The following PDZRN4 variants were observed in gnomAD, a reference collection of about 807,000 sequenced individuals.
PDZRN4 encodes PDZ domain-containing RING finger protein 4.
In PDZRN4, 70 loss-of-function variants were observed where a neutral mutation model predicts 99.0. That is an observed-to-expected ratio of 0.71 (90% confidence interval 0.58 to 0.86). PDZRN4 has a LOEUF of 0.86. Among genes scored for constraint, PDZRN4 ranks in the 40% least tolerant of loss-of-function variants. PDZRN4 has a pLI of 0.00. For synonymous variants in PDZRN4, 551 were observed against 501.6 expected (o/e 1.10, Z -1.32); for missense variants, 1,474 against 1,331.2 (o/e 1.11, Z -1.67).
intron 3 of PDZRN4, among the ~76,000 whole-genome samples, chr12:41,237,850 G>A (rs550716411): frequency 3.4e-4 from 52 of 152,134 alleles, no homozygotes; most frequent in African/African-American, 3.4e-4. Context: ...TAGCAGTACC[G>A]TGCTATTTTG....
chr12:41,346,141 T>G (rs1192091146), intron 3 of PDZRN4, among the ~76,000 whole-genome samples: 3 of 152,164 alleles, frequency 2.0e-5, no homozygotes, highest in Non-Finnish European at 4.4e-5. Flanking sequence ...GCGCATCCCC[T>G]GAAAAGGTGC....
chr12:41,194,239 A>G (rs1950757086), intron 3 of PDZRN4, 51 bp downstream of exon 3: 1 of 883,364 alleles, frequency 1.1e-6, no homozygotes, highest in African/African-American at 1.7e-5. Flanking sequence ...AGATTGGGAT[A>G]TTTTAAGTTT....
At position 41,564,477 on chromosome 12, in the gene PDZRN4, C is replaced by G. The variant is rs138369044; in HGVS notation, c.1467+828C>G. Among the ~76,000 whole-genome samples the G allele has an allele frequency of 7.2e-5, 11 of 152,222 alleles. No individual in the cohort carries two copies. In the East Asian group the frequency reaches 2.1e-3, roughly 29 times the overall value. On this transcript the variant is annotated intron_variant, in intron 8 of 9. Coordinates refer to ENST00000402685, the MANE Select transcript of PDZRN4 (RefSeq NM_001164595.2). ...GTAGTTTGAATAAAGTTAGTTATAT[C>G]GCCATTTGTCTCCTCGGTTATTGAT...
intron 3 of PDZRN4, among the ~76,000 whole-genome samples, chr12:41,247,377 T>C (rs139796646): frequency 9.1e-4 from 138 of 152,344 alleles, no homozygotes; most frequent in African/African-American, 3.2e-3. Context: ...TCACAATCTT[T>C]GAAAGTGTGG....
At chr12:41,408,106 G>GA (rs1458920470) in intron 3 of PDZRN4, among the ~76,000 whole-genome samples, 1 of 151,928 alleles carries the variant, frequency 6.6e-6, no homozygotes, top group African/African-American at 2.4e-5. Flanking sequence ...TTATCAACTA[G>GA]AAAAAAATGT....
intron 3 of PDZRN4, among the ~76,000 whole-genome samples, chr12:41,500,368 A>G (rs1430193929): frequency 6.6e-6 from 1 of 152,016 alleles, no homozygotes; most frequent in African/African-American, 2.4e-5. Flanking sequence ...AAGAAGCCCC[A>G]GGATCACTTT....
At chr12:41,513,184 T>C (rs1414787639) in intron 5 of PDZRN4, among the ~76,000 whole-genome samples, 1 of 152,056 alleles carries the variant, frequency 6.6e-6, no homozygotes, top group Non-Finnish European at 1.5e-5. Flanking sequence ...ACACATATTA[T>C]TTCACTGATG....
chr12:41,217,891 GA>G (rs770887518), intron 3 of PDZRN4, among the ~76,000 whole-genome samples: 11 of 152,072 alleles, frequency 7.2e-5, no homozygotes, highest in Admixed American at 5.2e-4. Context: ...AAGAAATACT[GA>G]AAAAAGATAC....
At chr12:41,324,112 A>C (rs547377854) in intron 3 of PDZRN4, among the ~76,000 whole-genome samples, 2 of 152,120 alleles carry the variant, frequency 1.3e-5, no homozygotes, top group African/African-American at 2.4e-5. Flanking sequence ...TGATGCTGTG[A>C]TTCATTATGA....
chr12:41,456,344 G>GTT (rs1555144003), intron 3 of PDZRN4, among the ~76,000 whole-genome samples: 11 of 103,628 alleles, frequency 1.1e-4, no homozygotes, highest in African/African-American at 1.8e-4. Flanking sequence ...AAGAATGAAT[G>GTT]GTTGTTTATT....
chr12:41,233,276 A>T (rs1480806546), intron 3 of PDZRN4, among the ~76,000 whole-genome samples: 2 of 152,190 alleles, frequency 1.3e-5, no homozygotes, highest in East Asian at 3.9e-4. Flanking sequence ...ATCATTAAAA[A>T]GTCAGGAAAC....
In PDZRN4 at chr12:41,223,040, C is replaced by T. The variant is rs1056068243; in HGVS notation, c.843+28852C>T. Among the ~76,000 whole-genome samples the T allele has an allele frequency of 6.6e-5, 10 of 151,990 alleles. 1 individual carries two copies. The highest frequency in any genetic ancestry group is 1.7e-4 in the African/African-American group (7 of 41,390). ...ATTAGCTTGGTGCAAAAGTAATTGCCGTGTTTGCCTTCTTTTAAATGGCAA... is the reference window on the plus strand; with the variant it reads ...ATTAGCTTGGTGCAAAAGTAATTGCTGTGTTTGCCTTCTTTTAAATGGCAA... On this transcript the variant is annotated intron_variant, in intron 3 of 9. Coordinates refer to ENST00000402685, the MANE Select transcript of PDZRN4 (RefSeq NM_001164595.2).
At chr12:41,403,530 A>T (rs1007268838) in intron 3 of PDZRN4, among the ~76,000 whole-genome samples, 3 of 152,158 alleles carry the variant, frequency 2.0e-5, no homozygotes, top group Non-Finnish European at 4.4e-5. Flanking sequence ...TTGGATCCTA[A>T]GAGTTACAGA....
At chr12:41,352,004 T>TAAATAAATAAATAAAA (rs1235086546) in intron 3 of PDZRN4, among the ~76,000 whole-genome samples, 2 of 150,646 alleles carry the variant, frequency 1.3e-5, no homozygotes, top group Non-Finnish European at 3.0e-5. Flanking sequence ...AATAAATAAA[T>TAAATAAATAAATAAAA]AAAAATTTCA....
Position 41,418,676 on chromosome 12 carries a change from G to C in PDZRN4, c.844-87780G>C, listed in dbSNP as rs376810062. ...CTACCCTGAAATTTCAGAGTTTGTT[G>C]TTATGTAAAACAAAGCAATTTTCCT... is the stretch of plus-strand genomic sequence containing the variant. On this transcript the variant is annotated intron_variant, in intron 3 of 9. Transcript: ENST00000402685. Among the ~76,000 whole-genome samples, 4 of 152,270 alleles carry C rather than the reference G, an allele frequency of 2.6e-5. No individual in the cohort carries two copies. The East Asian group carries it at 5.8e-4, about 22-fold the overall frequency.
Position 41,461,916 on chromosome 12 carries a change from C to A in PDZRN4, c.844-44540C>A, listed in dbSNP as rs181602948. On this transcript the variant is annotated intron_variant, in intron 3 of 9. Transcript: ENST00000402685. ...ATTTGCTTCACTCTCTCACCCAACC[C>A]CCCATGCCCCTAGAATAATGCTTGC... is the stretch of plus-strand genomic sequence containing the variant. Among the ~76,000 whole-genome samples, 4 of 152,214 alleles carry A rather than the reference C, an allele frequency of 2.6e-5. No homozygotes were observed. In the East Asian group the frequency reaches 7.7e-4, roughly 29 times the overall value.
chr12:41,199,847 T>C (rs1033092859), intron 3 of PDZRN4, among the ~76,000 whole-genome samples: 1 of 151,894 alleles, frequency 6.6e-6, no homozygotes, highest in Non-Finnish European at 1.5e-5. Flanking sequence ...GAATAACAGA[T>C]GTTGAAGATG....
chr12:41,458,274 C>T (rs566534110), intron 3 of PDZRN4, among the ~76,000 whole-genome samples: 2 of 152,294 alleles, frequency 1.3e-5, no homozygotes, highest in South Asian at 4.1e-4. Flanking sequence ...TCTCCTGTCT[C>T]AGCCTCCTGA....
At chr12:41,329,683 G>C (rs931374925) in intron 3 of PDZRN4, among the ~76,000 whole-genome samples, 1 of 152,032 alleles carries the variant, frequency 6.6e-6, no homozygotes, top group African/African-American at 2.4e-5. Flanking sequence ...ACTAAGAACA[G>C]GCAAAATGAG....
Sources: gnomAD v4.1 joint callset for allele counts (sites outside exome capture counted in the v4.1 genomes callset) on GRCh38, gnomAD v4.1.1 for gene constraint, MANE v1.5 for transcripts, NCBI Gene and HGNC (gene_info 2026-07-23, HGNC 2026-07-21) for gene names.